The following SIPA1L3 variants were observed in gnomAD, a reference collection of about 807,000 sequenced individuals.
The protein encoded by SIPA1L3 is signal induced proliferation associated 1 like 3.
SIPA1L3 carries 59 observed loss-of-function variants against 150.1 expected under a neutral mutation model. The ratio of observed to expected loss-of-function variants is 0.39; its 90% CI spans 0.32 to 0.49. The LOEUF is 0.49. SIPA1L3 is among the 20% of genes least tolerant of loss of function. SIPA1L3 has a pLI of 0.86. For missense variants in SIPA1L3, 2,211 were observed against 2,489.5 expected (o/e 0.89, Z 2.38); for synonymous variants, 1,070 against 1,077.6 (o/e 0.99, Z 0.14).
At chr19:38,202,318 TG>T (rs1973105669) in intron 20 of SIPA1L3, among the ~76,000 whole-genome samples, 1 of 152,158 alleles carries the variant, frequency 6.6e-6, no homozygotes, top group African/African-American at 2.4e-5. Flanking sequence ...CCGGGCGCGG[TG>T]GCTCACGCCT....
At chr19:37,943,717 C>T (rs2046683043) in intron 1 of SIPA1L3, among the ~76,000 whole-genome samples, 1 of 152,106 alleles carries the variant, frequency 6.6e-6, no homozygotes, top group South Asian at 2.1e-4. Flanking sequence ...AAAGGGAGCT[C>T]ACCACTCACA....
In SIPA1L3 at chr19:38,040,910, A is replaced by G. The variant is rs567957970; in HGVS notation, c.-311+11754A>G. Among the ~76,000 whole-genome samples, 305 of 150,910 alleles carry G rather than the reference A, an allele frequency of 2.0e-3. 3 individuals carry two copies. Among genetic ancestry groups the G allele is most frequent in the Non-Finnish European group, 3.5e-3 (239 of 67,556 alleles). The stretch of plus-strand genomic sequence containing the variant: ...CAAGTAGCTGGGACTACAGGCGCCC[A>G]CCACCACGCCCAGCTAATTTTTTTG... On this transcript the variant is annotated intron_variant, in intron 2 of 21. Coordinates refer to ENST00000222345, the MANE Select transcript of SIPA1L3 (RefSeq NM_015073.3).
At chr19:38,153,270 A>G (rs1971869144) in intron 13 of SIPA1L3, among the ~76,000 whole-genome samples, 3 of 152,240 alleles carry the variant, frequency 2.0e-5, no homozygotes, top group Non-Finnish European at 4.4e-5. Context: ...GCTGAAAAAG[A>G]TTAAGCATTG....
At chr19:38,167,191 C>A in intron 15 of SIPA1L3, among the ~76,000 whole-genome samples, 1 of 145,936 alleles carries the variant, frequency 6.9e-6, no homozygotes, top group Non-Finnish European at 1.5e-5. Context: ...CAAGATCATG[C>A]CACTGCACTC....
At position 38,141,387 on chromosome 19, in the gene SIPA1L3, A is replaced by G; in HGVS notation, c.3347A>G (p.Gln1116Arg). ...HAQSLSRPLK[Q>R]TPIVPFRESQ... ...CAGTCCCTGAGCCGGCCCCTGAAGC[A>G]GACCCCCATAGTCCCCTTCCGGGAG... is the stretch of plus-strand genomic sequence containing the variant. Residue 1116 changes from glutamine (Q) to arginine (R), a missense_variant, in exon 11 of 22, where the codon CAG (glutamine) becomes CGG (arginine). Transcript: ENST00000222345. 1 of 1,613,428 alleles carries G rather than the reference A, an allele frequency of 6.2e-7. No homozygotes were observed. Among genetic ancestry groups the G allele is most frequent in the South Asian group, 1.1e-5 (1 of 91,086 alleles).
At chr19:38,006,640 G>A (rs574371342) in intron 1 of SIPA1L3, among the ~76,000 whole-genome samples, 1 of 152,316 alleles carries the variant, frequency 6.6e-6, no homozygotes, top group African/African-American at 2.4e-5. Flanking sequence ...AGAGCACAAG[G>A]CGTGCGCACA....
intron 1 of SIPA1L3, among the ~76,000 whole-genome samples, chr19:37,928,387 A>C (rs576424943): frequency 1.2e-4 from 18 of 152,102 alleles, no homozygotes; most frequent in Non-Finnish European, 2.5e-4. Context: ...CCTGGGCAAC[A>C]TGGTAAAACC....
Position 38,130,695 on chromosome 19 carries a change from G to A in SIPA1L3, c.3066G>A (p.Gln1022=), listed in dbSNP as rs763908844. ...KVAVVTLTHD[Q]MIDLLRTSVT... ...CCGTGGTCACACTGACCCACGACCA[G>A]ATGATCGACCTGCTGCGCACCTCTG... The change falls in exon 10 of 22, where the codon CAG becomes CAA. Residue 1022 remains glutamine (Q), a synonymous_variant. Coordinates refer to ENST00000222345, the MANE Select transcript of SIPA1L3 (RefSeq NM_015073.3). The A allele has an allele frequency of 3.3e-5, 53 of 1,614,000 alleles. No homozygotes were observed. The highest frequency in any genetic ancestry group is 4.5e-5 in the Non-Finnish European group (53 of 1,180,052).
At chr19:37,938,226 A>G (rs2046619218) in intron 1 of SIPA1L3, among the ~76,000 whole-genome samples, 1 of 152,120 alleles carries the variant, frequency 6.6e-6, no homozygotes, top group African/African-American at 2.4e-5. Context: ...AGGCATTTCC[A>G]TGCCAATGGA....
Position 38,206,390 on chromosome 19 carries a change from A to G in SIPA1L3, c.*150A>G, listed in dbSNP as rs1803322499. ...ACACGGAAACTCCGATGGCCTCACTAGGGCTGTGAGTCAGGGTCAGCGCGC... is the reference window on the plus strand; with the variant it reads ...ACACGGAAACTCCGATGGCCTCACTGGGGCTGTGAGTCAGGGTCAGCGCGC... On this transcript the variant is annotated 3_prime_UTR_variant, in exon 22 of 22. Coordinates refer to ENST00000222345, the MANE Select transcript of SIPA1L3 (RefSeq NM_015073.3). 2.1e-6 allele frequency: 2 copies of G among 930,424 alleles called. No homozygotes were observed. Among genetic ancestry groups the G allele is most frequent in the African/African-American group, 3.4e-5 (2 of 59,658 alleles). 57.6% of individuals were successfully genotyped at this position (930,424 alleles called of 1,614,324 possible). A position where few individuals can be genotyped will look rare whatever the true frequency, so the allele number is the denominator to read the frequency against.
intron 1 of SIPA1L3, among the ~76,000 whole-genome samples, chr19:37,994,163 A>G (rs954494491): frequency 4.6e-5 from 7 of 152,152 alleles, no homozygotes; most frequent in African/African-American, 1.7e-4. Flanking sequence ...TGGCCTCCCA[A>G]AGTGCTGGGA....
intron 10 of SIPA1L3, among the ~76,000 whole-genome samples, chr19:38,139,722 C>T (rs1423279138): frequency 6.6e-6 from 1 of 152,116 alleles, no homozygotes; most frequent in Non-Finnish European, 1.5e-5. Context: ...TATATGAGAT[C>T]GGATAATGGA....
chr19:38,010,581 G>A (rs969251118), intron 1 of SIPA1L3, among the ~76,000 whole-genome samples: 11 of 151,998 alleles, frequency 7.2e-5, no homozygotes, highest in Admixed American at 2.0e-4. Flanking sequence ...CGTGGTGGCA[G>A]GCACCTGTAA....
chr19:38,007,112 G>C (rs979501490), intron 1 of SIPA1L3, among the ~76,000 whole-genome samples: 2 of 152,200 alleles, frequency 1.3e-5, no homozygotes, highest in Non-Finnish European at 2.9e-5. Flanking sequence ...GAGGTCAGGA[G>C]TTCAAGACCA....
chr19:38,155,515 A>G (rs1266410416), intron 13 of SIPA1L3, among the ~76,000 whole-genome samples: 2 of 152,252 alleles, frequency 1.3e-5, no homozygotes, highest in African/African-American at 2.4e-5. Context: ...ACATAATTCC[A>G]TAGAACAAAC....
intron 1 of SIPA1L3, among the ~76,000 whole-genome samples, chr19:37,996,014 A>T (rs1338054249): frequency 6.6e-6 from 1 of 152,156 alleles, no homozygotes; most frequent in Non-Finnish European, 1.5e-5. Context: ...TCCTGGCCTC[A>T]AGCAGTCTTC....
At chr19:37,956,557 C>T (rs181631777) in intron 1 of SIPA1L3, among the ~76,000 whole-genome samples, 21 of 148,244 alleles carry the variant, frequency 1.4e-4, no homozygotes, top group African/African-American at 5.2e-4. Flanking sequence ...AATCTCGGCT[C>T]ACTGCAATCT....
chr19:38,069,813 C>T (rs979458563), intron 2 of SIPA1L3, among the ~76,000 whole-genome samples: 21 of 150,844 alleles, frequency 1.4e-4, no homozygotes, highest in Non-Finnish European at 2.2e-4. Context: ...CACAGGCACG[C>T]GCCACTATAC....
At chr19:38,127,502 TAA>T (rs1971203024) in intron 9 of SIPA1L3, among the ~76,000 whole-genome samples, 1 of 152,178 alleles carries the variant, frequency 6.6e-6, no homozygotes, top group East Asian at 1.9e-4. Flanking sequence ...ATTTTAACTT[TAA>T]TTTTTAAAGA....
Sources: allele counts gnomAD v4.1 joint callset (sites outside exome capture counted in the v4.1 genomes callset), GRCh38; gene constraint gnomAD v4.1.1; transcripts MANE v1.5; gene names NCBI Gene and HGNC (gene_info 2026-07-23, HGNC 2026-07-21).